AFF1: variants seen among roughly 807,000 people sequenced by gnomAD.
AFF1 encodes the protein ALF transcription elongation factor 1.
Under a neutral mutation model 121.7 loss-of-function variants are expected in AFF1, and 48 were observed. The ratio of observed to expected loss-of-function variants is 0.39; its 90% CI spans 0.31 to 0.50. The LOEUF (loss-of-function observed/expected upper bound fraction) is 0.50, where lower values mean the gene tolerates loss of function less well. Ranked by LOEUF, AFF1 falls within the 20% of genes least tolerant of loss-of-function variation. The pLI, the probability that AFF1 is intolerant of heterozygous loss-of-function variation, is 0.76. For missense variants in AFF1, 1,523 were observed against 1,511.7 expected (o/e 1.01, Z -0.12); for synonymous variants, 613 against 563.0 (o/e 1.09, Z -1.26).
At chr4:87,091,962 C>A in intron 7 of AFF1, 133 bp downstream of exon 7, 1 of 682,040 alleles carries the variant, frequency 1.5e-6, no homozygotes, top group Non-Finnish European at 2.5e-6. Flanking sequence ...GAAAGGAGAA[C>A]AAATATAAAA....
chr4:87,105,930 C>G (rs1725869725), intron 10 of AFF1, 85 bp downstream of exon 10: 2 of 1,515,000 alleles, frequency 1.3e-6, no homozygotes, highest in African/African-American at 2.8e-5. Flanking sequence ...TTAGTACTTT[C>G]ACATTTTTTG....
chr4:87,020,528 A>G (rs1419498532), intron 2 of AFF1, among the ~76,000 whole-genome samples: 1 of 152,152 alleles, frequency 6.6e-6, no homozygotes, highest in East Asian at 1.9e-4. Flanking sequence ...TCTGTTGCCC[A>G]GGCTGGAGTG....
intron 4 of AFF1, among the ~76,000 whole-genome samples, chr4:87,052,359 G>A (rs1443799630): frequency 6.6e-6 from 1 of 152,188 alleles, no homozygotes; most frequent in Non-Finnish European, 1.5e-5. Context: ...GTTGTAGGGA[G>A]TTGAGATACT....
chr4:86,941,681 A>T (rs1720472396), intron 1 of AFF1, among the ~76,000 whole-genome samples: 1 of 149,474 alleles, frequency 6.7e-6, no homozygotes, highest in African/African-American at 2.4e-5. Flanking sequence ...AATAAATAAA[A>T]TAAAAAATAG....
rs147561500 is a variant in AFF1, at chr4:87,062,843, ATGT to A, written c.1059+15255_1059+15257del. Among the ~76,000 whole-genome samples, 40 of 152,246 alleles carry A rather than the reference ATGT, an allele frequency of 2.6e-4. No homozygotes were observed. In the East Asian group the frequency reaches 4.6e-3, roughly 18 times the overall value. On this transcript the variant is annotated intron_variant, in intron 4 of 20. Transcript: ENST00000395146. Reference sequence around the variant, plus strand: ...TTATTCATTGGATGGTAAAGACTGGATGTTGTTGGAAGGAAGGAAGATATATTT... The same window carrying A: ...TTATTCATTGGATGGTAAAGACTGGATGTTGGAAGGAAGGAAGATATATTT...
At chr4:87,075,073 A>G (rs1158377571) in intron 4 of AFF1, among the ~76,000 whole-genome samples, 2 of 152,192 alleles carry the variant, frequency 1.3e-5, no homozygotes, top group Admixed American at 6.5e-5. Flanking sequence ...TTATGATGCC[A>G]ATTATGCAGA....
At chr4:87,030,898 C>T (rs1296981725) in intron 2 of AFF1, among the ~76,000 whole-genome samples, 2 of 152,042 alleles carry the variant, frequency 1.3e-5, no homozygotes, top group South Asian at 2.1e-4. Context: ...GAATGGTGAT[C>T]GGTTTTGTTT....
intron 1 of AFF1, among the ~76,000 whole-genome samples, chr4:86,946,990 T>C (rs959356373): frequency 6.6e-6 from 1 of 152,202 alleles, no homozygotes; most frequent in South Asian, 2.1e-4. Context: ...AATACAATAG[T>C]GTTTTATTGA....
chr4:87,086,907 A>G (rs1249355567), intron 5 of AFF1, among the ~76,000 whole-genome samples: 2 of 152,212 alleles, frequency 1.3e-5, no homozygotes, highest in Non-Finnish European at 2.9e-5. Context: ...TGGGGTCAGT[A>G]TTTAAGGGGG....
chr4:86,992,195 C>T (rs1407017334), intron 2 of AFF1, among the ~76,000 whole-genome samples: 1 of 152,166 alleles, frequency 6.6e-6, no homozygotes, highest in African/African-American at 2.4e-5. Flanking sequence ...GGTCATATCT[C>T]AGTCCCACCA....
chr4:87,028,255 C>T (rs1226360706), intron 2 of AFF1, among the ~76,000 whole-genome samples: 2 of 151,892 alleles, frequency 1.3e-5, no homozygotes, highest in African/African-American at 4.8e-5. Flanking sequence ...GGAGAGTATA[C>T]TGTCCCGTAA....
chr4:87,028,606 G>T, intron 2 of AFF1, among the ~76,000 whole-genome samples: 1 of 152,108 alleles, frequency 6.6e-6, no homozygotes, highest in Non-Finnish European at 1.5e-5. Flanking sequence ...TGAGGTCTCA[G>T]ACCAAAGCTC....
At chr4:86,942,554 A>G (rs1160008537) in intron 1 of AFF1, among the ~76,000 whole-genome samples, 2 of 152,228 alleles carry the variant, frequency 1.3e-5, no homozygotes, top group African/African-American at 2.4e-5. Context: ...CTAAGAGACT[A>G]CATTTGTCCA....
At chr4:86,961,185 A>T (rs1722116529) in intron 2 of AFF1, among the ~76,000 whole-genome samples, 1 of 152,178 alleles carries the variant, frequency 6.6e-6, no homozygotes, top group Non-Finnish European at 1.5e-5. Context: ...AAAATATTTA[A>T]TAAGCGCAGT....
At chr4:86,940,595 C>T (rs561107254) in intron 1 of AFF1, among the ~76,000 whole-genome samples, 169 of 151,790 alleles carry the variant, frequency 1.1e-3, no homozygotes, top group Non-Finnish European at 2.2e-3. Context: ...GACGGGGTTT[C>T]ACCCATGTTG....
chr4:87,086,566 C>G (rs555303268), intron 5 of AFF1, among the ~76,000 whole-genome samples: 1 of 152,180 alleles, frequency 6.6e-6, no homozygotes, highest in Non-Finnish European at 1.5e-5. Context: ...CAGGACTGAA[C>G]AGGCCATAGG....
intron 2 of AFF1, among the ~76,000 whole-genome samples, chr4:87,027,784 G>GTTTTTTTTTT (rs35903702): frequency 3.3e-5 from 3 of 90,596 alleles, no homozygotes; most frequent in African/African-American, 8.9e-5. Context: ...TTGCTGTTGG[G>GTTTTTTTTTT]TTTTTTTTTT....
chr4:87,060,549 AATT>A (rs775495892), intron 4 of AFF1, among the ~76,000 whole-genome samples: 4 of 152,084 alleles, frequency 2.6e-5, no homozygotes, highest in Non-Finnish European at 4.4e-5. Flanking sequence ...GTAACTTAAG[AATT>A]ATTGGGCCAG....
chr4:86,990,314 C>T (rs1724600247), intron 2 of AFF1, among the ~76,000 whole-genome samples: 2 of 133,620 alleles, frequency 1.5e-5, no homozygotes, highest in Admixed American at 1.5e-4. Flanking sequence ...GAGACCTTGT[C>T]CCTATTTAAA....
Sources: gnomAD v4.1 joint callset for allele counts (sites outside exome capture counted in the v4.1 genomes callset) on GRCh38, gnomAD v4.1.1 for gene constraint, MANE v1.5 for transcripts, NCBI Gene and HGNC (gene_info 2026-07-23, HGNC 2026-07-21) for gene names.